The following OTUD7B variants were observed in gnomAD, a reference collection of about 807,000 sequenced individuals.
OTUD7B encodes OTU domain-containing protein 7B.
A neutral mutation model predicts 82.2 loss-of-function variants in OTUD7B; 34 were observed. The observed-to-expected ratio is 0.41, with a 90% CI of 0.31 to 0.55. The LOEUF is 0.55. Among genes scored for constraint, OTUD7B ranks in the 20% least tolerant of loss-of-function variants. The pLI, the probability that OTUD7B is intolerant of heterozygous loss-of-function variation, is 0.20. For missense variants in OTUD7B, 944 were observed against 1,062.1 expected (o/e 0.89, Z 1.55); for synonymous variants, 398 against 402.7 (o/e 0.99, Z 0.14).
At chr1:149,948,651 T>A (rs2101736329) in intron 10 of OTUD7B, among the ~76,000 whole-genome samples, 1 of 152,306 alleles carries the variant, frequency 6.6e-6, no homozygotes, top group South Asian at 2.1e-4. Context: ...ATTACAGGCA[T>A]AAGCCACCAT....
chr1:150,008,053 A>G (rs1553786590), intron 1 of OTUD7B, among the ~76,000 whole-genome samples: 1 of 152,238 alleles, frequency 6.6e-6, no homozygotes, highest in Non-Finnish European at 1.5e-5. Flanking sequence ...TAGTGCCCTC[A>G]TAACAATCAG....
At chr1:150,019,437 G>A in the OTUD7B span, among the ~76,000 whole-genome samples, 13 of 152,042 alleles carry the variant, frequency 8.6e-5, no homozygotes, top group African/African-American at 1.7e-4. Context: ...GCACAATCTC[G>A]GCTCACTGCA....
At chr1:150,053,416 G>A in the OTUD7B span, among the ~76,000 whole-genome samples, 9 of 147,292 alleles carry the variant, frequency 6.1e-5, no homozygotes, top group Admixed American at 6.1e-4. Flanking sequence ...TTTTTTTTGA[G>A]ACTGAGTTTC....
chr1:150,043,216 C>T, the OTUD7B span, among the ~76,000 whole-genome samples: 4 of 152,042 alleles, frequency 2.6e-5, no homozygotes, highest in South Asian at 4.1e-4. Flanking sequence ...TATTCTAGCA[C>T]GCTGAAGTTT....
chr1:150,042,566 C>T, the OTUD7B span, among the ~76,000 whole-genome samples: 8 of 152,172 alleles, frequency 5.3e-5, no homozygotes, highest in South Asian at 1.5e-3. Context: ...CCTCCCTTTA[C>T]ACTCATTTCC....
intron 1 of OTUD7B, among the ~76,000 whole-genome samples, chr1:149,981,910 G>A (rs1233362564): frequency 6.6e-6 from 1 of 152,174 alleles, no homozygotes; most frequent in African/African-American, 2.4e-5. Context: ...AGCACTTTGG[G>A]AGGCCGAGGC....
intron 1 of OTUD7B, among the ~76,000 whole-genome samples, chr1:149,982,617 T>A (rs782245837): frequency 4.6e-5 from 7 of 151,676 alleles, no homozygotes; most frequent in Middle Eastern, 3.5e-3. Context: ...TTAAATAACT[T>A]TAAATCCTAC....
chr1:149,982,017 C>T (rs56697948), intron 1 of OTUD7B, among the ~76,000 whole-genome samples: 55 of 152,074 alleles, frequency 3.6e-4, no homozygotes, highest in African/African-American at 1.3e-3. Context: ...GGCGTGGTGG[C>T]GGACGCCTGT....
intron 4 of OTUD7B, among the ~76,000 whole-genome samples, chr1:149,966,879 A>G (rs1390336067): frequency 6.6e-6 from 1 of 152,208 alleles, no homozygotes. Flanking sequence ...ACCCTATGAT[A>G]AGAATTAATT....
intron 7 of OTUD7B, 120 bp downstream of exon 7, chr1:149,959,564 G>A (rs1648985539): frequency 2.9e-6 from 2 of 685,960 alleles, no homozygotes; most frequent in Non-Finnish European, 2.6e-6. Flanking sequence ...TGTGCCCTTA[G>A]CATAGTTCCC....
the OTUD7B span, among the ~76,000 whole-genome samples, chr1:150,025,503 C>A: frequency 6.6e-6 from 1 of 151,714 alleles, no homozygotes. Flanking sequence ...AAACCCAGGG[C>A]TAAAATGTTT....
At chr1:150,001,038 T>C (rs899162038) in intron 1 of OTUD7B, among the ~76,000 whole-genome samples, 1 of 151,874 alleles carries the variant, frequency 6.6e-6, no homozygotes, top group African/African-American at 2.4e-5. Flanking sequence ...AGAGGAAGTA[T>C]AAAACATGAA....
At chr1:149,981,058 T>C (rs1449455536) in intron 1 of OTUD7B, among the ~76,000 whole-genome samples, 3 of 134,996 alleles carry the variant, frequency 2.2e-5, no homozygotes. Context: ...AAACACACAG[T>C]TTTTGGCTCT....
chr1:150,024,720 G>T, the OTUD7B span, among the ~76,000 whole-genome samples: 1 of 152,154 alleles, frequency 6.6e-6, no homozygotes, highest in Non-Finnish European at 1.5e-5. Flanking sequence ...TCTCAACAAC[G>T]CTTTCTTTAA....
At chr1:149,948,820 C>T (rs587711040) in intron 10 of OTUD7B, 149 bp downstream of exon 10, 1 of 593,676 alleles carries the variant, frequency 1.7e-6, no homozygotes, top group South Asian at 2.2e-5. Context: ...GTCCTGGTGC[C>T]CAACCTCTCC....
intron 5 of OTUD7B, among the ~76,000 whole-genome samples, chr1:149,964,680 G>A (rs1487507490): frequency 1.3e-5 from 2 of 151,336 alleles, no homozygotes; most frequent in Admixed American, 6.6e-5. Context: ...CGCAACTTCC[G>A]CCTCCCATGT....
chr1:150,037,234 C>T, the OTUD7B span, among the ~76,000 whole-genome samples: 7 of 116,444 alleles, frequency 6.0e-5, no homozygotes, highest in Admixed American at 1.1e-4. Flanking sequence ...TTCAAGAAGC[C>T]GCACAAAATA....
At chr1:149,965,969 C>A in intron 4 of OTUD7B, 91 bp from the exon 5 acceptor site, 2 of 902,464 alleles carry the variant, frequency 2.2e-6, no homozygotes, top group Admixed American at 2.1e-5. Context: ...GCAGCCTCCT[C>A]TAGGAGGCCT....
Position 149,949,064 on chromosome 1 carries a change from A to C in OTUD7B, c.1143T>G (p.Asp381Glu), listed in dbSNP as rs782608600. 47 of 1,611,848 alleles carry C rather than the reference A, an allele frequency of 2.9e-5. No homozygotes were observed. The highest frequency in any genetic ancestry group is 3.7e-5 in the Non-Finnish European group (43 of 1,178,024). Residue 381 changes from aspartate (D) to glutamate (E), a missense_variant, in exon 10 of 12, where the codon GAT (aspartate) becomes GAG (glutamate). Physicochemically the swap from Asp to Glu is conservative, Grantham distance 45. This residue lies in a region of OTUD7B where 530 missense variants were observed against 625.6 expected (regional missense o/e 0.85). Coordinates refer to ENST00000581312, the MANE Select transcript of OTUD7B (RefSeq NM_020205.4). ...GCAAGGGCAGCAGCTTATACTCTGAATCTGTAAGTGGGATCACAGCTGGAG... is the reference window on the plus strand; with the variant it reads ...GCAAGGGCAGCAGCTTATACTCTGACTCTGTAAGTGGGATCACAGCTGGAG... ...TKEQAVIPLT[D>E]SEYKLLPLHF...
Sources: gnomAD v4.1 joint callset for allele counts (sites outside exome capture counted in the v4.1 genomes callset) on GRCh38, gnomAD v4.1.1 for gene constraint, gnomAD v4.1.1 regional missense constraint, MANE v1.5 for transcripts, NCBI Gene and HGNC (gene_info 2026-07-23, HGNC 2026-07-21) for gene names.